Variants in TMEM132B observed in about 807,000 individuals in gnomAD.
The protein encoded by TMEM132B is transmembrane protein 132B.
Under a neutral mutation model 90.8 loss-of-function variants are expected in TMEM132B, and 18 were observed. That is an observed-to-expected ratio of 0.20 (90% confidence interval 0.14 to 0.29). TMEM132B has a LOEUF of 0.29. Among genes scored for constraint, TMEM132B ranks in the 10% least tolerant of loss-of-function variants. TMEM132B has a pLI of 1.00. For missense variants in TMEM132B, 1,096 were observed against 1,326.8 expected (o/e 0.83, Z 2.70); for synonymous variants, 504 against 523.3 (o/e 0.96, Z 0.50).
chr12:125,548,687 A>T (rs1884148407), intron 4 of TMEM132B, among the ~76,000 whole-genome samples: 1 of 152,172 alleles, frequency 6.6e-6, no homozygotes, highest in Admixed American at 6.5e-5. Flanking sequence ...TAGAATAAAT[A>T]GGGGGAATGT....
intron 2 of TMEM132B, among the ~76,000 whole-genome samples, chr12:125,368,845 T>C (rs1415350655): frequency 1.3e-5 from 2 of 152,190 alleles, no homozygotes; most frequent in Non-Finnish European, 2.9e-5. Context: ...ATGACAGGAA[T>C]AAAACATGTG....
At chr12:125,332,444 C>A (rs1212803071) in intron 1 of TMEM132B, among the ~76,000 whole-genome samples, 1 of 152,026 alleles carries the variant, frequency 6.6e-6, no homozygotes, top group Non-Finnish European at 1.5e-5. Context: ...TTCCCACAGA[C>A]TTCTGTCATC....
intron 1 of TMEM132B, among the ~76,000 whole-genome samples, chr12:125,236,685 C>G (rs1873943380): frequency 6.6e-6 from 1 of 152,228 alleles, no homozygotes; most frequent in Admixed American, 6.5e-5. Context: ...GAAGCCCATC[C>G]AGCCTGGCCC....
At chr12:125,318,169 T>G (rs1161636124) in intron 1 of TMEM132B, among the ~76,000 whole-genome samples, 1 of 136,192 alleles carries the variant, frequency 7.3e-6, no homozygotes, top group South Asian at 2.6e-4. Context: ...ATGTAGGCAC[T>G]ATATACTACA....
At chr12:125,650,570 G>C in intron 6 of TMEM132B, 113 bp from the exon 7 acceptor site, 1 of 1,255,198 alleles carries the variant, frequency 8.0e-7, no homozygotes, top group Non-Finnish European at 1.1e-6. Flanking sequence ...GGTCCTGCAG[G>C]AGAAGGACCA....
chr12:125,353,264 C>T (rs1252975168), intron 2 of TMEM132B, among the ~76,000 whole-genome samples: 1 of 152,108 alleles, frequency 6.6e-6, no homozygotes, highest in Admixed American at 6.5e-5. Context: ...CAATCAACTG[C>T]AGCACTTCAG....
chr12:125,244,243 C>G (rs1874156732), intron 1 of TMEM132B, among the ~76,000 whole-genome samples: 1 of 152,194 alleles, frequency 6.6e-6, no homozygotes, highest in Admixed American at 6.5e-5. Context: ...TCCCGAACAC[C>G]CATTTTCAGT....
intron 4 of TMEM132B, among the ~76,000 whole-genome samples, chr12:125,571,052 A>T (rs1028986436): frequency 6.6e-6 from 1 of 152,214 alleles, no homozygotes; most frequent in Non-Finnish European, 1.5e-5. Flanking sequence ...ATTTCAAATT[A>T]AAAAATCTGT....
At chr12:125,411,116 G>A (rs1407501103) in intron 2 of TMEM132B, among the ~76,000 whole-genome samples, 1 of 34,646 alleles carries the variant, frequency 2.9e-5, no homozygotes, top group African/African-American at 1.2e-4. Context: ...GAGTGGAGTG[G>A]AGTGGAGTGG....
At chr12:125,611,672 T>A (rs1885831392) in intron 5 of TMEM132B, among the ~76,000 whole-genome samples, 1 of 152,152 alleles carries the variant, frequency 6.6e-6, no homozygotes, top group Non-Finnish European at 1.5e-5. Flanking sequence ...ACTGATTGGT[T>A]ATTTAGTAGT....
chr12:125,434,150 G>A (rs1197545748), intron 3 of TMEM132B, among the ~76,000 whole-genome samples: 2 of 152,132 alleles, frequency 1.3e-5, no homozygotes, highest in African/African-American at 4.8e-5. Flanking sequence ...CCGCTTGCAG[G>A]GGCTGCCCAC....
chr12:125,265,794 G>A (rs960045889), intron 1 of TMEM132B, among the ~76,000 whole-genome samples: 6 of 152,208 alleles, frequency 3.9e-5, no homozygotes, highest in African/African-American at 1.2e-4. Flanking sequence ...ATGTCTGTGC[G>A]GTTTATCCAC....
chr12:125,226,451 C>G (rs563288673), intron 1 of TMEM132B, among the ~76,000 whole-genome samples: 9 of 152,242 alleles, frequency 5.9e-5, no homozygotes, highest in Non-Finnish European at 8.8e-5. Flanking sequence ...ACACAGCAAT[C>G]CTTCTGAGAA....
intron 3 of TMEM132B, among the ~76,000 whole-genome samples, chr12:125,426,324 C>G (rs796163622): frequency 6.6e-5 from 10 of 152,122 alleles, no homozygotes; most frequent in African/African-American, 2.4e-4. Flanking sequence ...TGTTTTGCAA[C>G]TATTTTTATT....
intron 1 of TMEM132B, among the ~76,000 whole-genome samples, chr12:125,310,584 C>T (rs921070244): frequency 1.3e-5 from 2 of 152,318 alleles, no homozygotes; most frequent in Middle Eastern, 3.4e-3. Flanking sequence ...CCACTCCCTA[C>T]CCCAGGGAGG....
intron 1 of TMEM132B, among the ~76,000 whole-genome samples, chr12:125,341,897 C>T (rs1240072397): frequency 6.6e-6 from 1 of 152,192 alleles, no homozygotes; most frequent in Non-Finnish European, 1.5e-5. Context: ...TAGGGGTCCA[C>T]TTCCCCTGAA....
intron 1 of TMEM132B, among the ~76,000 whole-genome samples, chr12:125,222,476 T>A (rs1266466131): frequency 1.3e-5 from 2 of 152,088 alleles, no homozygotes; most frequent in African/African-American, 4.8e-5. Context: ...CAAACCAGGC[T>A]CTCCATAAAT....
rs1957760588 is a variant in TMEM132B at position 125,186,449 on chromosome 12, C to T, written c.-351C>T. ...ATGGCAGAGGCGGCGGCGGCGGCGG[C>T]GGCGCGACCGGGATGGGACGGGCGC... On this transcript the variant is annotated 5_prime_UTR_variant, in exon 1 of 9. Transcript: ENST00000682704. The surrounding 1 kb of genome is among the most constrained non-coding windows in gnomAD (Gnocchi z 6.3). Among the ~76,000 whole-genome samples, 1 of 146,412 alleles carries T rather than the reference C, an allele frequency of 6.8e-6. No homozygotes were observed. Among genetic ancestry groups the T allele is most frequent in the Admixed American group, 6.8e-5 (1 of 14,726 alleles).
At chr12:125,619,607 C>T (rs572287367) in intron 5 of TMEM132B, among the ~76,000 whole-genome samples, 1 of 152,106 alleles carries the variant, frequency 6.6e-6, no homozygotes, top group Admixed American at 6.5e-5. Flanking sequence ...TTAGGTGATC[C>T]ACCCACCTTA....
Sources: allele counts gnomAD v4.1 joint callset (sites outside exome capture counted in the v4.1 genomes callset), GRCh38; gene constraint gnomAD v4.1.1; non-coding constraint Gnocchi (gnomAD v3.1); transcripts MANE v1.5; gene names NCBI Gene and HGNC (gene_info 2026-07-23, HGNC 2026-07-21).